The following BBS9 variants were observed in gnomAD, a reference collection of about 807,000 sequenced individuals.
BBS9 encodes protein PTHB1.
A neutral mutation model predicts 117.7 loss-of-function variants in BBS9; 89 were observed. The observed-to-expected ratio is 0.76, with a 90% confidence interval of 0.64 to 0.90. The LOEUF (loss-of-function observed/expected upper bound fraction) is 0.90. Among genes scored for constraint, BBS9 ranks in the 40% least tolerant of loss-of-function variants. The pLI, the probability that BBS9 is intolerant of heterozygous loss-of-function variation, is 0.00. For synonymous variants in BBS9, 379 were observed against 370.9 expected, an observed-to-expected ratio of 1.02 and a Z score of -0.25; for missense variants, 982 against 1,042.2, an observed-to-expected ratio of 0.94 and a Z score of 0.80.
At chr7:33,545,673 G>A (rs984203240) in intron 21 of BBS9, among the ~76,000 whole-genome samples, 3 of 151,998 alleles carry the variant, frequency 2.0e-5, no homozygotes, top group Non-Finnish European at 2.9e-5. Context: ...TGCTCTGTCC[G>A]GAGCTGCAAT....
chr7:33,190,190 G>C (rs1427614299), intron 5 of BBS9, among the ~76,000 whole-genome samples: 1 of 149,076 alleles, frequency 6.7e-6, no homozygotes. Flanking sequence ...CGCAATCTCG[G>C]CTCACTGCAA....
At chr7:33,273,298 C>T in intron 8 of BBS9, 103 bp downstream of exon 8, 3 of 1,191,368 alleles carry the variant, frequency 2.5e-6, no homozygotes, top group South Asian at 1.3e-5. Flanking sequence ...TATATGAAAA[C>T]AGTTTAATAT....
intron 3 of BBS9, among the ~76,000 whole-genome samples, chr7:33,153,618 T>TGTAATA: frequency 6.6e-6 from 1 of 152,220 alleles, no homozygotes; most frequent in Non-Finnish European, 1.5e-5. Context: ...CATTTGTTTA[T>TGTAATA]CATAATTTAT....
intron 20 of BBS9, among the ~76,000 whole-genome samples, chr7:33,520,956 C>T (rs1848503678): frequency 6.6e-6 from 1 of 152,168 alleles, no homozygotes; most frequent in South Asian, 2.1e-4. Context: ...AAACAGCTTT[C>T]CCCTGGATTT....
chr7:33,180,506 G>A (rs6944964), intron 5 of BBS9, among the ~76,000 whole-genome samples: 29,999 of 151,652 alleles, frequency 0.2, 3,142 homozygotes, highest in Non-Finnish European at 0.23. Context: ...ACAGGCACAT[G>A]CCACCACGCC....
intron 12 of BBS9, chr7:33,346,459 C>T (rs748849237): frequency 4.1e-4 from 76 of 186,482 alleles, no homozygotes; most frequent in Non-Finnish European, 7.7e-4. Context: ...GGTTATATTT[C>T]ATAAGAGGCA....
At chr7:33,400,629 G>A (rs1380063446) in intron 19 of BBS9, among the ~76,000 whole-genome samples, 1 of 151,992 alleles carries the variant, frequency 6.6e-6, no homozygotes, top group Non-Finnish European at 1.5e-5. Flanking sequence ...AGATTATTTT[G>A]TGATCTTTCT....
intron 17 of BBS9, among the ~76,000 whole-genome samples, chr7:33,375,190 A>G (rs904164780): frequency 6.6e-6 from 1 of 152,110 alleles, no homozygotes; most frequent in African/African-American, 2.4e-5. Context: ...CTAGGCTTTG[A>G]TCATCTAAAT....
chr7:33,381,996 T>A (rs1211025341), intron 17 of BBS9, among the ~76,000 whole-genome samples: 1 of 152,170 alleles, frequency 6.6e-6, no homozygotes, highest in Non-Finnish European at 1.5e-5. Context: ...TAAAGAAATA[T>A]TTTATATGTC....
intron 21 of BBS9, among the ~76,000 whole-genome samples, chr7:33,549,922 T>C (rs1021997449): frequency 6.6e-6 from 1 of 152,196 alleles, no homozygotes; most frequent in Non-Finnish European, 1.5e-5. Flanking sequence ...AAAAATAACT[T>C]TTCTCACATA....
intron 9 of BBS9, among the ~76,000 whole-genome samples, chr7:33,280,911 G>GTTTT (rs150736523): frequency 2.9e-4 from 23 of 79,366 alleles, no homozygotes; most frequent in East Asian, 6.8e-4. Flanking sequence ...TGTCGTTTTT[G>GTTTT]TTTTTTTTTT....
intron 9 of BBS9, among the ~76,000 whole-genome samples, chr7:33,330,144 G>T (rs1813720282): frequency 6.6e-6 from 1 of 151,856 alleles, no homozygotes; most frequent in Non-Finnish European, 1.5e-5. Flanking sequence ...CTCCCAAGTA[G>T]CTGGGACTAC....
intron 4 of BBS9, among the ~76,000 whole-genome samples, chr7:33,173,926 T>C (rs1402427352): frequency 6.6e-6 from 1 of 152,180 alleles, no homozygotes; most frequent in Non-Finnish European, 1.5e-5. Context: ...TGAAACAAAG[T>C]GGGTAGAACA....
intron 1 of BBS9, among the ~76,000 whole-genome samples, chr7:33,139,960 A>C (rs921649459): frequency 6.6e-6 from 1 of 151,656 alleles, no homozygotes; most frequent in Non-Finnish European, 1.5e-5. Context: ...TTCCTTCGAG[A>C]TAACTCACTT....
intron 2 of BBS9, among the ~76,000 whole-genome samples, chr7:33,149,515 C>G (rs562456265): frequency 6.6e-6 from 1 of 152,236 alleles, no homozygotes; most frequent in South Asian, 2.1e-4. Flanking sequence ...ACTTACTTTC[C>G]TAATTCTCTC....
rs889771575 is a variant in BBS9 at position 33,374,569 on chromosome 7, A to T, written c.1789+6707A>T. On this transcript the variant is annotated intron_variant, in intron 17 of 22. Coordinates refer to ENST00000242067, the MANE Select transcript of BBS9 (RefSeq NM_198428.3). ...AAGTAAGCGTTGAGAAACAATCCTT[A>T]GTTGCTAATATTGAAGAGGTTGTAT... 1.1e-4 allele frequency among the ~76,000 whole-genome samples: 17 copies of T among 152,212 alleles called. No individual in the cohort carries two copies. The East Asian group carries it at 3.3e-3, about 29-fold the overall frequency.
At chr7:33,245,677 C>T (rs561315481) in intron 5 of BBS9, among the ~76,000 whole-genome samples, 3 of 152,220 alleles carry the variant, frequency 2.0e-5, no homozygotes, top group African/African-American at 4.8e-5. Context: ...TGGTAATTGA[C>T]ATATTGCTAA....
At chr7:33,148,176 T>A (rs568749575) in intron 2 of BBS9, among the ~76,000 whole-genome samples, 44 of 152,302 alleles carry the variant, frequency 2.9e-4, no homozygotes, top group African/African-American at 9.9e-4. Context: ...AAGATAGGAA[T>A]GTCTAGTTTA....
At chr7:33,457,217 C>T (rs1350732627) in intron 19 of BBS9, among the ~76,000 whole-genome samples, 4 of 152,250 alleles carry the variant, frequency 2.6e-5, no homozygotes, top group East Asian at 1.9e-4. Flanking sequence ...TAATGAGTCA[C>T]GGAAGCAATC....
Sources: gnomAD v4.1 joint callset for allele counts (sites outside exome capture counted in the v4.1 genomes callset) on GRCh38, gnomAD v4.1.1 for gene constraint, MANE v1.5 for transcripts, NCBI Gene and HGNC (gene_info 2026-07-23, HGNC 2026-07-21) for gene names.